Variants in NFAT5 observed in about 807,000 individuals in gnomAD.
NFAT5 encodes nuclear factor of activated T-cells 5.
A neutral mutation model predicts 166.5 loss-of-function variants in NFAT5; 31 were observed. That is an observed-to-expected ratio of 0.19 (90% CI 0.14 to 0.25). The LOEUF is 0.25. NFAT5 is among the 10% of genes least tolerant of loss of function. NFAT5 has a pLI of 1.00. For synonymous variants in NFAT5, 612 were observed against 639.7 expected, an observed-to-expected ratio of 0.96 and a Z score of 0.65; for missense variants, 1,449 against 1,821.8, an observed-to-expected ratio of 0.80 and a Z score of 3.72.
intron 2 of NFAT5, among the ~76,000 whole-genome samples, chr16:69,609,498 C>T (rs953373721): frequency 2.6e-5 from 4 of 151,952 alleles, no homozygotes; most frequent in Non-Finnish European, 4.4e-5. Context: ...TGCAGTTGTA[C>T]GGAAAGTAAG....
In NFAT5 at chr16:69,694,172, C is replaced by A. The variant is rs2037676094; in HGVS notation, c.4347C>A (p.Asn1449Lys). The A allele has an allele frequency of 6.2e-7, 1 of 1,614,054 alleles. No homozygotes were observed. Residue 1449 changes from asparagine (N) to lysine (K), a missense_variant, in exon 13 of 15, where the codon AAC (asparagine) becomes AAA (lysine). Physicochemically the swap from Asn to Lys is moderately conservative, Grantham distance 94. Transcript: ENST00000349945. ...ACAACACAGCAGGAGGCACAATGAA[C>A]CAACTGCAGAATTCTCCTGGCTCAT... ...LFHNTAGGTM[N>K]QLQNSPGSSQ... is the part of the protein sequence containing the mutation.
At chr16:69,610,054 TG>T (rs1274284160) in intron 2 of NFAT5, among the ~76,000 whole-genome samples, 1 of 151,746 alleles carries the variant, frequency 6.6e-6, no homozygotes, top group African/African-American at 2.4e-5. Flanking sequence ...AGTTCTTCAG[TG>T]TTGGGTCAAA....
chr16:69,685,348 A>C (rs990140726), intron 11 of NFAT5: 3 of 151,572 alleles, frequency 2.0e-5, no homozygotes, highest in African/African-American at 7.3e-5. Context: ...GGACTTCAAG[A>C]CCTGCCTGGC....
chr16:69,614,285 G>A (rs1322761131), intron 2 of NFAT5, among the ~76,000 whole-genome samples: 13 of 152,066 alleles, frequency 8.5e-5, no homozygotes, highest in African/African-American at 2.9e-4. Context: ...CTCCCAAAAT[G>A]CTGCGATTAC....
chr16:69,653,092 G>T, intron 4 of NFAT5, 144 bp from the exon 5 acceptor site: 3 of 535,070 alleles, frequency 5.6e-6, no homozygotes, highest in Non-Finnish European at 6.3e-6. Context: ...TCTTCCTTTA[G>T]GCAATATTTT....
intron 7 of NFAT5, among the ~76,000 whole-genome samples, chr16:69,664,888 T>A (rs1184239050): frequency 6.6e-6 from 1 of 151,840 alleles, no homozygotes; most frequent in African/African-American, 2.4e-5. Context: ...TTAGCCGGGC[T>A]TGGTGGTGCA....
chr16:69,677,381 C>A, intron 10 of NFAT5, 46 bp downstream of exon 10: 2 of 1,484,312 alleles, frequency 1.3e-6, no homozygotes, highest in South Asian at 1.4e-5. Flanking sequence ...TAATTAATTT[C>A]CAGTTTTTTG....
intron 3 of NFAT5, among the ~76,000 whole-genome samples, chr16:69,634,993 C>T (rs2034892503): frequency 6.6e-6 from 1 of 151,368 alleles, no homozygotes; most frequent in African/African-American, 2.4e-5. Flanking sequence ...CCTCCTTCCC[C>T]ATGTGTTTCT....
chr16:69,642,308 T>G (rs1373716022), intron 3 of NFAT5, among the ~76,000 whole-genome samples: 1 of 152,172 alleles, frequency 6.6e-6, no homozygotes, highest in Admixed American at 6.5e-5. Context: ...GTTACTGGCA[T>G]TTGGTCTGAT....
rs190591934 is a variant in NFAT5, at chr16:69,599,623, G to A, written c.128-26780G>A. Among the ~76,000 whole-genome samples, 9 of 152,208 alleles carry A rather than the reference G, an allele frequency of 5.9e-5. No homozygotes were observed. The East Asian group carries it at 9.6e-4, about 16-fold the overall frequency. On this transcript the variant is annotated intron_variant, in intron 2 of 14. Transcript: ENST00000349945. The stretch of plus-strand genomic sequence containing the variant: ...AAAAAAATAAAGCAGGGTTAGGAGG[G>A]ATAAGAAAATGGTGGGGGCACTATT...
chr16:69,577,366 A>G (rs1313773666), intron 2 of NFAT5, among the ~76,000 whole-genome samples: 1 of 152,232 alleles, frequency 6.6e-6, no homozygotes, highest in Non-Finnish European at 1.5e-5. Context: ...AAATAACACT[A>G]TTATGGCTAA....
chr16:69,634,693 T>A (rs2034878014), intron 3 of NFAT5, among the ~76,000 whole-genome samples: 1 of 152,094 alleles, frequency 6.6e-6, no homozygotes, highest in Admixed American at 6.6e-5. Flanking sequence ...TAGATCAAAC[T>A]TACTTACAAA....
chr16:69,692,701 C>T lies in NFAT5; in HGVS notation c.2876C>T (p.Ala959Val). The change falls in exon 13 of 15, where the codon GCA (alanine) becomes GTA (valine). Residue 959 changes from alanine (A) to valine (V), a missense_variant. Ala to Val is a moderately conservative substitution (Grantham distance 64). This residue lies in a region of NFAT5 where 891 missense variants were observed against 993.0 expected (regional missense o/e 0.90). Transcript: ENST00000349945. ...VYQQTSHMMS[A>V]LSTNEDMQMQ... ...CAGCAGACTTCTCACATGATGAGTG[C>T]ATTGTCTACCAATGAGGATATGCAA... is the stretch of plus-strand genomic sequence containing the variant. 1 of 1,614,246 alleles carries T rather than the reference C, an allele frequency of 6.2e-7. No homozygotes were observed. The highest frequency in any genetic ancestry group is 8.5e-7 in the Non-Finnish European group (1 of 1,180,044).
chr16:69,678,476 G>T (rs943353096), intron 10 of NFAT5, among the ~76,000 whole-genome samples: 1 of 152,070 alleles, frequency 6.6e-6, no homozygotes, highest in Non-Finnish European at 1.5e-5. Flanking sequence ...GCCTCCCAAA[G>T]TGCTGGGATT....
chr16:69,652,719 G>A (rs567558996), intron 4 of NFAT5, among the ~76,000 whole-genome samples: 3 of 151,594 alleles, frequency 2.0e-5, no homozygotes, highest in South Asian at 2.1e-4. Context: ...AGGCCATTTT[G>A]TATGGGGGTA....
At chr16:69,615,169 G>A (rs2033885226) in intron 2 of NFAT5, among the ~76,000 whole-genome samples, 1 of 151,824 alleles carries the variant, frequency 6.6e-6, no homozygotes, top group African/African-American at 2.4e-5. Context: ...AGCCTCCCAA[G>A]TAGCTGGGAT....
rs958582019 is a variant in NFAT5 at position 69,696,549 on chromosome 16, A to G, written c.*198A>G. 1 of 152,654 alleles carries G rather than the reference A, an allele frequency of 6.6e-6. No homozygotes were observed. Among genetic ancestry groups the G allele is most frequent in the Admixed American group, 6.5e-5 (1 of 15,280 alleles). The allele number at this position is 152,654 out of a possible 1,614,324, so 9.5% of individuals were successfully genotyped here. On this transcript the variant is annotated 3_prime_UTR_variant, in exon 15 of 15. Transcript: ENST00000349945. ...ACTAACCACCAATGTTAACATCTTC[A>G]TATTTTATATTCCTAATAACAGTGA... is the stretch of plus-strand genomic sequence containing the variant.
rs1016002154 is a variant in NFAT5, at chr16:69,701,542, T to C, written c.*5191T>C. On this transcript the variant is annotated 3_prime_UTR_variant, in exon 15 of 15. Coordinates refer to ENST00000349945, the MANE Select transcript of NFAT5 (RefSeq NM_138713.4). ...TAAAAGAAAAGGTACATTGCTAGAA[T>C]TGTTTCTTTGGGAGAGGGTAAAAGA... 6.6e-6 allele frequency: 1 copy of C among 152,636 alleles called. No individual in the cohort carries two copies. The highest frequency in any genetic ancestry group is 1.5e-5 in the Non-Finnish European group (1 of 68,028). The allele number at this position is 152,636 out of a possible 1,614,324, so 9.5% of individuals were successfully genotyped here. A position where few individuals can be genotyped will look rare whatever the true frequency, so the allele number is the denominator to read the frequency against.
chr16:69,623,724 C>T (rs2151575846), intron 2 of NFAT5, among the ~76,000 whole-genome samples: 1 of 151,952 alleles, frequency 6.6e-6, no homozygotes, highest in African/African-American at 2.4e-5. Context: ...TCAGGCTGGT[C>T]TCGAACTCCC....
Sources: allele counts gnomAD v4.1 joint callset (sites outside exome capture counted in the v4.1 genomes callset), GRCh38; gene constraint gnomAD v4.1.1; regional missense constraint gnomAD v4.1.1; transcripts MANE v1.5; gene names NCBI Gene and HGNC (gene_info 2026-07-23, HGNC 2026-07-21).